Variants in SMIM8 observed in about 807,000 individuals in gnomAD.
SMIM8 encodes small integral membrane protein 8.
SMIM8 carries 8 observed loss-of-function variants against 8.1 expected under a neutral mutation model. That is an observed-to-expected ratio of 0.99 (90% CI 0.58 to 1.78). The LOEUF (loss-of-function observed/expected upper bound fraction) is 1.78. Ranked by LOEUF, SMIM8 falls within the 40% of genes most tolerant of loss-of-function variation. The pLI, the probability that SMIM8 is intolerant of heterozygous loss-of-function variation, is 0.00. For missense variants in SMIM8, 126 were observed against 119.8 expected (o/e 1.05, Z -0.24); for synonymous variants, 45 against 39.7 (o/e 1.13, Z -0.50).
intron 1 of SMIM8, among the ~76,000 whole-genome samples, chr6:87,326,398 G>A (rs1776822333): frequency 6.6e-6 from 1 of 151,922 alleles, no homozygotes; most frequent in East Asian, 1.9e-4. Context: ...TATCTTGTGG[G>A]CATTTAGGGC....
At chr6:87,328,596 G>T (rs1776902337) in intron 1 of SMIM8, among the ~76,000 whole-genome samples, 3 of 152,280 alleles carry the variant, frequency 2.0e-5, no homozygotes, top group African/African-American at 7.2e-5. Context: ...ACTTGAGGAG[G>T]CAGTCTGCCT....
intron 2 of SMIM8, among the ~76,000 whole-genome samples, chr6:87,333,027 A>G (rs573257475): frequency 6.6e-6 from 1 of 152,316 alleles, no homozygotes; most frequent in Non-Finnish European, 1.5e-5. Flanking sequence ...TGGGCAATTT[A>G]TGAAGAAAAG....
At chr6:87,337,195 G>A in intron 3 of SMIM8, 29 bp downstream of exon 3, 1 of 1,551,978 alleles carries the variant, frequency 6.4e-7, no homozygotes, top group East Asian at 2.3e-5. Flanking sequence ...ATAAGACTTT[G>A]TGTTTAATCC....
chr6:87,324,311 T>C (rs1297162304), intron 1 of SMIM8, among the ~76,000 whole-genome samples: 1 of 152,260 alleles, frequency 6.6e-6, no homozygotes, highest in Non-Finnish European at 1.5e-5. Context: ...TGGTTGCTAT[T>C]GCTTTTGGTG....
chr6:87,337,214 T>C, intron 3 of SMIM8, 48 bp downstream of exon 3: 1 of 1,500,196 alleles, frequency 6.7e-7, no homozygotes, highest in South Asian at 1.4e-5. Flanking sequence ...CCAACCAGAC[T>C]GTCAGAAAGT....
At chr6:87,339,420 GTGTGTGTGTGTGTGTT>G (rs969155299) in intron 3 of SMIM8, among the ~76,000 whole-genome samples, 4 of 95,902 alleles carry the variant, frequency 4.2e-5, no homozygotes, top group Non-Finnish European at 6.4e-5. Flanking sequence ...CAGCGTGTGT[GTGTGTGTGTGTGTGTT>G]TGTGTGTGTG....
intron 1 of SMIM8, among the ~76,000 whole-genome samples, chr6:87,329,485 C>A (rs116406933): frequency 6.6e-6 from 1 of 152,062 alleles, no homozygotes; most frequent in East Asian, 1.9e-4. Flanking sequence ...ATATTGGCTA[C>A]GCTAGTTTCA....
intron 2 of SMIM8, among the ~76,000 whole-genome samples, chr6:87,336,060 A>G (rs576460485): frequency 2.6e-5 from 4 of 152,150 alleles, no homozygotes; most frequent in South Asian, 2.1e-4. Context: ...CAAAGCCCCA[A>G]TGTGTGTTTA....
At chr6:87,339,069 C>T (rs558009973) in intron 3 of SMIM8, among the ~76,000 whole-genome samples, 1 of 152,136 alleles carries the variant, frequency 6.6e-6, no homozygotes, top group South Asian at 2.1e-4. Flanking sequence ...GTGGCTCACA[C>T]CAAGGTGGGC....
rs189659461 is a variant in SMIM8, at chr6:87,324,745, C to T, written c.-45+2113C>T. Among the ~76,000 whole-genome samples the T allele has an allele frequency of 6.6e-3, 1,004 of 152,092 alleles. 15 individuals are homozygous for T. The highest frequency in any genetic ancestry group is 0.022 in the African/African-American group (905 of 41,448). On this transcript the variant is annotated intron_variant, in intron 1 of 3. Transcript: ENST00000392863. ...TTCTTTTGGCTTAGGATTGACTTGG[C>T]GATGTGGGCTCTTTTTTGGTTCCAT...
chr6:87,342,165 A>C lies in SMIM8; in HGVS notation c.*1891A>C, dbSNP rs919638967. On this transcript the variant is annotated 3_prime_UTR_variant, in exon 4 of 4. Transcript: ENST00000392863. ...AGAATCATACTGAATTTTAGGAACA[A>C]GTACCTGACTATGATACTTTTTACA... 2.0e-5 allele frequency: 3 copies of C among 152,214 alleles called. No homozygotes were observed. The East Asian group carries it at 5.8e-4, about 29-fold the overall frequency. 9.4% of individuals were successfully genotyped at this position (152,214 alleles called of 1,614,324 possible).
chr6:87,340,271 T>A lies in SMIM8; in HGVS notation c.291T>A (p.Asp97Glu). The A allele has an allele frequency of 2.5e-6, 4 of 1,593,758 alleles. No homozygotes were observed. Among genetic ancestry groups the A allele is most frequent in the Non-Finnish European group, 3.4e-6 (4 of 1,173,658 alleles). ...TGAGGCGGAAAACATCCAAATGGGA[T>A]TAGTAGTGCTGGTTAGTGCAGATGG... ...SYMRRKTSKWD is the reference protein window; with the variant it reads ...SYMRRKTSKWE Residue 97 changes from aspartate (D) to glutamate (E), a missense_variant, in exon 4 of 4, where the codon GAT becomes GAA. Asp to Glu is a conservative substitution (Grantham distance 45). Transcript: ENST00000392863.
In SMIM8 at chr6:87,341,766, T is replaced by G. The variant is rs1372417513; in HGVS notation, c.*1492T>G. 6.5e-6 allele frequency: 1 copy of G among 152,878 alleles called. No homozygotes were observed. The highest frequency in any genetic ancestry group is 1.5e-5 in the Non-Finnish European group (1 of 68,486). 9.5% of individuals were successfully genotyped at this position (152,878 alleles called of 1,614,324 possible). The stretch of plus-strand genomic sequence containing the variant: ...TTTACTACTGAGCCCCAAATATGTA[T>G]TTGCTATGCCTGTCTGTATAATGTA... On this transcript the variant is annotated 3_prime_UTR_variant, in exon 4 of 4. Transcript: ENST00000392863.
At chr6:87,325,557 C>T (rs12211594) in intron 1 of SMIM8, among the ~76,000 whole-genome samples, 2 of 147,964 alleles carry the variant, frequency 1.4e-5, no homozygotes, top group African/African-American at 5.0e-5. Flanking sequence ...TGTTTATATG[C>T]TGGATTACAT....
At chr6:87,336,988 A>T (rs1777126444) in intron 2 of SMIM8, 21 bp from the exon 3 acceptor site, 2 of 1,528,288 alleles carry the variant, frequency 1.3e-6, no homozygotes, top group African/African-American at 1.4e-5. Context: ...GAAGGGAAAA[A>T]ATATATTATT....
At chr6:87,323,425 TC>T (rs1289321341) in intron 1 of SMIM8, among the ~76,000 whole-genome samples, 1 of 66,226 alleles carries the variant, frequency 1.5e-5, no homozygotes, top group African/African-American at 6.2e-5. Flanking sequence ...CCCTCCCCCC[TC>T]CCCCCACCCC....
rs1777200037 is a variant in SMIM8 at position 87,340,332 on chromosome 6, G to A, written c.*58G>A. The A allele has an allele frequency of 6.9e-7, 1 of 1,453,510 alleles. No homozygotes were observed. The allele number at this position is 1,453,510 out of a possible 1,614,324, so 90.0% of individuals were successfully genotyped here. On this transcript the variant is annotated 3_prime_UTR_variant, in exon 4 of 4. Coordinates refer to ENST00000392863, the MANE Select transcript of SMIM8 (RefSeq NM_001042493.3). ...AAGGTTCTGAAATCTTCAAATGAAA[G>A]ACCTTGTGAGTGTACAGTATCATGT...
intron 3 of SMIM8, among the ~76,000 whole-genome samples, chr6:87,338,218 G>A (rs1340941018): frequency 6.6e-6 from 1 of 152,168 alleles, no homozygotes; most frequent in Admixed American, 6.5e-5. Context: ...TCATCTAAGT[G>A]AAAAAGTTTG....
chr6:87,326,585 G>T (rs1208130811), intron 1 of SMIM8, among the ~76,000 whole-genome samples: 2 of 148,908 alleles, frequency 1.3e-5, no homozygotes, highest in African/African-American at 5.0e-5. Flanking sequence ...TTTTGAGTGA[G>T]ATTCTTAATC....
Sources: allele counts gnomAD v4.1 joint callset (sites outside exome capture counted in the v4.1 genomes callset), GRCh38; gene constraint gnomAD v4.1.1; transcripts MANE v1.5; gene names NCBI Gene and HGNC (gene_info 2026-07-23, HGNC 2026-07-21).